The following C16orf74 variants were observed in gnomAD, a reference collection of about 807,000 sequenced individuals.
C16orf74 encodes the protein calcimembrin.
In C16orf74, 10 loss-of-function variants were observed where a neutral mutation model predicts 6.5. The observed-to-expected ratio is 1.54, with a 90% confidence interval of 0.95 to 2.61. The LOEUF (loss-of-function observed/expected upper bound fraction) is 2.61, where lower values mean the gene tolerates loss of function less well. C16orf74 is among the 30% of genes most tolerant of loss of function. The pLI is 0.00. For synonymous variants in C16orf74, 60 were observed against 42.5 expected (o/e 1.41, Z -1.60); for missense variants, 141 against 105.9 (o/e 1.33, Z -1.45).
chr16:85,749,613 A>G (rs2054413367), intron 1 of C16orf74, among the ~76,000 whole-genome samples: 1 of 152,242 alleles, frequency 6.6e-6, no homozygotes, highest in Non-Finnish European at 1.5e-5. Flanking sequence ...TGGGGCTGAC[A>G]GTATTTGGTT....
chr16:85,733,374 G>A (rs2054210785), intron 2 of C16orf74, among the ~76,000 whole-genome samples: 1 of 152,130 alleles, frequency 6.6e-6, no homozygotes, highest in East Asian at 1.9e-4. Context: ...GAAGTAGAAT[G>A]GTGGCTGCCA....
rs1227264248 is a variant in C16orf74 at position 85,707,961 on chromosome 16, C to A, written c.*47G>T. 6.6e-6 allele frequency: 10 copies of A among 1,524,324 alleles called. No homozygotes were observed. The highest frequency in any genetic ancestry group is 8.9e-6 in the Non-Finnish European group (10 of 1,124,600). 94.4% of individuals were successfully genotyped at this position (1,524,324 alleles called of 1,614,324 possible). A position where few individuals can be genotyped will look rare whatever the true frequency, so the allele number is the denominator to read the frequency against. On this transcript the variant is annotated 3_prime_UTR_variant, in exon 4 of 4. Transcript: ENST00000284245. ...CAGCCACGCCCCCGGACACCTGAAG[C>A]CGGGCCGCTGGAGCAGGAGCCAGCC...
intron 1 of C16orf74, among the ~76,000 whole-genome samples, chr16:85,750,431 C>A: frequency 6.6e-6 from 1 of 152,248 alleles, no homozygotes; most frequent in South Asian, 2.1e-4. Flanking sequence ...TTCGCGGTTG[C>A]AAACCTGCTT....
intron 1 of C16orf74, among the ~76,000 whole-genome samples, chr16:85,739,614 C>T (rs1298334349): frequency 1.3e-5 from 2 of 152,124 alleles, no homozygotes; most frequent in African/African-American, 2.4e-5. Context: ...GCCTGGGCAA[C>T]ATGGCGAAAC....
chr16:85,734,000 C>G (rs2054218129), intron 2 of C16orf74, among the ~76,000 whole-genome samples: 1 of 152,214 alleles, frequency 6.6e-6, no homozygotes, highest in South Asian at 2.1e-4. Context: ...GCCTGGGAAT[C>G]TGAAGGGTGG....
chr16:85,743,312 T>C (rs544516147), intron 1 of C16orf74: 1 of 152,308 alleles, frequency 6.6e-6, no homozygotes, highest in African/African-American at 2.4e-5. Context: ...CATGACAATA[T>C]CAGCTGATAG....
At chr16:85,738,259 G>A (rs2054266231) in intron 1 of C16orf74, among the ~76,000 whole-genome samples, 2 of 151,444 alleles carry the variant, frequency 1.3e-5, no homozygotes, top group South Asian at 4.2e-4. Flanking sequence ...ACAAAATGCT[G>A]CTTGCTGCCT....
chr16:85,748,943 TTTTTA>T lies in C16orf74; in HGVS notation c.-19+1978_-19+1982del, dbSNP rs1567815873. On this transcript the variant is annotated intron_variant, in intron 1 of 3. Transcript: ENST00000284245. ...GGCTTTGATTTTTTTTTTTTTTTTT[TTTTTA>T]TTTTATTTTTTTTTAGAGAAAGGAG... Among the ~76,000 whole-genome samples the T allele has an allele frequency of 7.7e-4, 111 of 144,216 alleles. 1 individual carries two copies. The highest frequency in any genetic ancestry group is 3.7e-3 in the Middle Eastern group (1 of 272). The allele number at this position is 144,216 out of a possible 152,430, so 94.6% of individuals were successfully genotyped here. A position where few individuals can be genotyped will look rare whatever the true frequency, so the allele number is the denominator to read the frequency against.
chr16:85,711,478 C>T (rs549421184), intron 2 of C16orf74, among the ~76,000 whole-genome samples: 1 of 149,776 alleles, frequency 6.7e-6, no homozygotes, highest in Admixed American at 6.7e-5. Flanking sequence ...AAAAAATTAG[C>T]TGGGCATGGT....
intron 2 of C16orf74, among the ~76,000 whole-genome samples, chr16:85,713,898 G>A (rs2053993972): frequency 6.6e-6 from 1 of 152,174 alleles, no homozygotes; most frequent in South Asian, 2.1e-4. Context: ...CGTGGGATCT[G>A]CCCTGTGAGC....
intron 2 of C16orf74, among the ~76,000 whole-genome samples, chr16:85,718,268 C>T (rs912273148): frequency 6.6e-6 from 1 of 152,082 alleles, no homozygotes; most frequent in Non-Finnish European, 1.5e-5. Context: ...AGAGACAGGG[C>T]CTCATTATAT....
chr16:85,725,139 G>A (rs547016829), intron 2 of C16orf74, among the ~76,000 whole-genome samples: 5 of 152,334 alleles, frequency 3.3e-5, no homozygotes, highest in African/African-American at 1.2e-4. Flanking sequence ...GGGGCGGGGC[G>A]AGATCAGACG....
chr16:85,717,016 A>T (rs2054031958), intron 2 of C16orf74, among the ~76,000 whole-genome samples: 1 of 152,188 alleles, frequency 6.6e-6, no homozygotes, highest in South Asian at 2.1e-4. Flanking sequence ...CCAAGGCTTC[A>T]GAAGGATGGA....
intron 2 of C16orf74, among the ~76,000 whole-genome samples, chr16:85,724,236 C>G (rs768065323): frequency 1.3e-5 from 2 of 152,208 alleles, no homozygotes; most frequent in Non-Finnish European, 2.9e-5. Context: ...CAGGGAGACC[C>G]CCGGTGGGAC....
chr16:85,717,940 C>T (rs2054041433), intron 2 of C16orf74, among the ~76,000 whole-genome samples: 1 of 152,186 alleles, frequency 6.6e-6, no homozygotes, highest in Non-Finnish European at 1.5e-5. Context: ...GGAGGATGCC[C>T]AGGTCCCTGG....
At chr16:85,729,204 C>A (rs186692188) in intron 2 of C16orf74, among the ~76,000 whole-genome samples, 1 of 152,244 alleles carries the variant, frequency 6.6e-6, no homozygotes, top group African/African-American at 2.4e-5. Flanking sequence ...GTCCCCTGTG[C>A]CTCAGCCTCC....
intron 1 of C16orf74, among the ~76,000 whole-genome samples, chr16:85,739,162 T>A (rs533147977): frequency 2.4e-4 from 1 of 4,144 alleles, no homozygotes; most frequent in Non-Finnish European, 0.011. Context: ...GACGTCAGGA[T>A]CAACCACAAT....
intron 1 of C16orf74, among the ~76,000 whole-genome samples, chr16:85,744,434 G>A (rs935321399): frequency 1.3e-5 from 2 of 151,842 alleles, no homozygotes; most frequent in African/African-American, 4.8e-5. Flanking sequence ...GTTTCATATT[G>A]AATTGGGCTC....
intron 2 of C16orf74, chr16:85,710,593 T>C (rs930537706): frequency 1.3e-5 from 5 of 380,168 alleles, no homozygotes; most frequent in African/African-American, 1.1e-4. Context: ...GCCTTTACCA[T>C]GTGGCCCAGC....
Sources: allele counts gnomAD v4.1 joint callset (sites outside exome capture counted in the v4.1 genomes callset), GRCh38; gene constraint gnomAD v4.1.1; transcripts MANE v1.5; gene names NCBI Gene and HGNC (gene_info 2026-07-23, HGNC 2026-07-21).